The following PRPF39 variants were observed in gnomAD, a reference collection of about 807,000 sequenced individuals.
PRPF39 encodes the protein pre-mRNA processing factor 39, also known as pre-mRNA-processing factor 39.
PRPF39 carries 27 observed loss-of-function variants against 82.1 expected under a neutral mutation model. The observed-to-expected ratio is 0.33, with a 90% CI of 0.24 to 0.45. The LOEUF (loss-of-function observed/expected upper bound fraction) is 0.45. Among genes scored for constraint, PRPF39 ranks in the 20% least tolerant of loss-of-function variants. The pLI is 1.00. For missense variants in PRPF39, 581 were observed against 796.9 expected (o/e 0.73, Z 3.26); for synonymous variants, 261 against 256.4 (o/e 1.02, Z -0.17).
intron 7 of PRPF39, 94 bp from the exon 8 acceptor site, chr14:45,109,518 CATCA>C: frequency 1.0e-6 from 1 of 954,120 alleles, no homozygotes; most frequent in Non-Finnish European, 1.4e-6. Context: ...AAATTTTAAT[CATCA>C]ATTATATTTA....
At chr14:45,097,031 GTTT>G in intron 4 of PRPF39, 26 bp downstream of exon 4, 1 of 1,500,464 alleles carries the variant, frequency 6.7e-7, no homozygotes, top group South Asian at 1.3e-5. Context: ...ATACTGAAAT[GTTT>G]TTTATGATAT....
intron 1 of PRPF39, among the ~76,000 whole-genome samples, chr14:45,093,862 T>A (rs1277163683): frequency 6.6e-6 from 1 of 152,184 alleles, no homozygotes; most frequent in African/African-American, 2.4e-5. Flanking sequence ...GCCAAAGCAG[T>A]CTTTTTCTTA....
At chr14:45,089,386 G>A (rs1303245590) in intron 1 of PRPF39, among the ~76,000 whole-genome samples, 1 of 152,204 alleles carries the variant, frequency 6.6e-6, no homozygotes, top group African/African-American at 2.4e-5. Flanking sequence ...GCACTTTGTT[G>A]AGGGCCATTT....
Position 45,114,997 on chromosome 14 carries a change from C to A in PRPF39, c.*84C>A. The A allele has an allele frequency of 9.2e-7, 1 of 1,088,266 alleles. No homozygotes were observed. The highest frequency in any genetic ancestry group is 1.4e-6 in the Non-Finnish European group (1 of 740,414). The allele number at this position is 1,088,266 out of a possible 1,614,324, so 67.4% of individuals were successfully genotyped here. ...TAATGAGGGATGTAAACAGTATAAG[C>A]TTGTTGTATTTGATAACCTGTCTTC... On this transcript the variant is annotated 3_prime_UTR_variant, in exon 14 of 14. Transcript: ENST00000355765.
intron 6 of PRPF39, among the ~76,000 whole-genome samples, chr14:45,107,934 G>GA (rs112505747): frequency 6.6e-6 from 1 of 151,650 alleles, no homozygotes; most frequent in Admixed American, 6.6e-5. Context: ...ATCTCGGGGG[G>GA]AAAAAAAGGT....
In PRPF39 at chr14:45,114,706, A is replaced by T. The variant is rs139365465; in HGVS notation, c.1953+92A>T. On this transcript the variant is annotated intron_variant, in intron 13 of 13. Coordinates refer to ENST00000355765, the MANE Select transcript of PRPF39 (RefSeq NM_017922.4). ...TTTTTTAAAAAAAGTTTTTGTTCCA[A>T]TTGTGTAATACATTCTTTGGTGGTT... The T allele has an allele frequency of 7.3e-3, 10,621 of 1,456,976 alleles. 57 individuals are homozygous for T. The highest frequency in any genetic ancestry group is 8.1e-3 in the Non-Finnish European group (8,715 of 1,073,302). The allele number at this position is 1,456,976 out of a possible 1,614,324, so 90.3% of individuals were successfully genotyped here.
intron 1 of PRPF39, among the ~76,000 whole-genome samples, chr14:45,089,067 T>C (rs1341528086): frequency 1.3e-5 from 2 of 152,210 alleles, no homozygotes; most frequent in African/African-American, 2.4e-5. Flanking sequence ...ACTCCACTGA[T>C]TGTGTCCTTT....
chr14:45,116,016 G>C lies in PRPF39; in HGVS notation c.*1103G>C, dbSNP rs756425765. 1 of 549,800 alleles carries C rather than the reference G, an allele frequency of 1.8e-6. No individual in the cohort carries two copies. Among genetic ancestry groups the C allele is most frequent in the Non-Finnish European group, 3.3e-6 (1 of 302,920 alleles). 34.1% of individuals were successfully genotyped at this position (549,800 alleles called of 1,614,324 possible). A position where few individuals can be genotyped will look rare whatever the true frequency, so the allele number is the denominator to read the frequency against. On this transcript the variant is annotated 3_prime_UTR_variant, in exon 14 of 14. Transcript: ENST00000355765. ...GCTGTAGGAAAGTATTTTAGACCAG[G>C]GATTCATAAGGGATTTATCTCTCAA...
chr14:45,113,722 C>T (rs538317157), intron 11 of PRPF39, among the ~76,000 whole-genome samples: 1 of 152,154 alleles, frequency 6.6e-6, no homozygotes, highest in Non-Finnish European at 1.5e-5. Flanking sequence ...TTAGTTATTA[C>T]TGGATTCTGA....
intron 1 of PRPF39, among the ~76,000 whole-genome samples, chr14:45,093,296 C>T (rs1195140784): frequency 1.3e-5 from 2 of 150,602 alleles, no homozygotes; most frequent in African/African-American, 2.5e-5. Flanking sequence ...GATCTTGGCT[C>T]ACTGCAACCT....
In PRPF39 at chr14:45,114,321, T is replaced by C. The variant is rs547183096; in HGVS notation, c.1832+64T>C. The C allele has an allele frequency of 6.4e-6, 9 of 1,407,522 alleles. No individual in the cohort carries two copies. The Admixed American group carries it at 1.1e-4, about 17-fold the overall frequency. 87.2% of individuals were successfully genotyped at this position (1,407,522 alleles called of 1,614,324 possible). A position where few individuals can be genotyped will look rare whatever the true frequency, so the allele number is the denominator to read the frequency against. On this transcript the variant is annotated intron_variant, in intron 12 of 13. Transcript: ENST00000355765. ...TTATGGAAATGCCTTCAAAGACAAA[T>C]GTTTTTAAGTGTTACTTTTATGTTG...
intron 13 of PRPF39, 115 bp from the exon 14 acceptor site, chr14:45,114,742 A>G: frequency 7.2e-7 from 1 of 1,391,876 alleles, no homozygotes; most frequent in Non-Finnish European, 9.9e-7. Flanking sequence ...AAGTACTAGA[A>G]TTTTAGCAGT....
chr14:45,110,657 T>C lies in PRPF39; in HGVS notation c.1412T>C (p.Leu471Pro), dbSNP rs774672911. 3.2e-6 allele frequency: 5 copies of C among 1,576,456 alleles called. No homozygotes were observed. ...AGTTTAGAACGACGGCATGGAAATCTGGAAGAAGCTGAACATTTGCTTCAG... is the reference window on the plus strand; with the variant it reads ...AGTTTAGAACGACGGCATGGAAATCCGGAAGAAGCTGAACATTTGCTTCAG... Reference protein sequence around the residue: ...RVSLERRHGNLEEAEHLLQDA... With the variant: ...RVSLERRHGNPEEAEHLLQDA... Residue 471 changes from leucine (L) to proline (P), a missense_variant, in exon 10 of 14, where the codon CTG (leucine) becomes CCG (proline). By Grantham distance (98) the Leu-to-Pro change is moderately conservative (BLOSUM62 -3). Transcript: ENST00000355765. The surrounding 1 kb of genome is among the most constrained non-coding windows in gnomAD (Gnocchi z 4.0).
At position 45,108,400 on chromosome 14, in the gene PRPF39, C is replaced by T. The variant is rs752760529; in HGVS notation, c.904-15C>T. Reference sequence around the variant, plus strand: ...CAGTTTGTGAGATTTATTTTTTTCCCTTTTTCTTCCCAAGCTAATTACAGA... The same window carrying T: ...CAGTTTGTGAGATTTATTTTTTTCCTTTTTTCTTCCCAAGCTAATTACAGA... On this transcript the variant is annotated splice_polypyrimidine_tract_variant and intron_variant, in intron 6 of 13. Transcript: ENST00000355765. 1.9e-6 allele frequency: 3 copies of T among 1,555,378 alleles called. No individual in the cohort carries two copies. The highest frequency in any genetic ancestry group is 2.2e-5 in the Admixed American group (1 of 45,170).
rs1377631002 is a variant in PRPF39 at position 45,090,637 on chromosome 14, A to G, written c.-19-4584A>G. Among the ~76,000 whole-genome samples, 4 of 152,016 alleles carry G rather than the reference A, an allele frequency of 2.6e-5. No individual in the cohort carries two copies. In the East Asian group the frequency reaches 7.7e-4, roughly 29 times the overall value. ...AAAGTTAATTATATTTCATGTTTTC[A>G]TCTATAGATTGCTATTGTTTTCAAA... On this transcript the variant is annotated intron_variant, in intron 1 of 13. Coordinates refer to ENST00000355765, the MANE Select transcript of PRPF39 (RefSeq NM_017922.4).
chr14:45,102,548 C>G lies in PRPF39; in HGVS notation c.589C>G (p.Leu197Val), dbSNP rs145199849. ...TTTCAGAACTTTTGAGCATGCTGTT[C>G]TAGCTGCAGGAACAGATTTCCGTTC... ...TIRGTFEHAV[L>V]AAGTDFRSDR... Residue 197 changes from leucine (L) to valine (V), a missense_variant, in exon 5 of 14, where the codon CTA becomes GTA. Leu to Val is a conservative substitution (Grantham distance 32). Transcript: ENST00000355765. The G allele has an allele frequency of 8.1e-6, 13 of 1,608,258 alleles. No individual in the cohort carries two copies. The highest frequency in any genetic ancestry group is 1.1e-5 in the Non-Finnish European group (13 of 1,178,018).
At chr14:45,089,076 T>G (rs1472855699) in intron 1 of PRPF39, among the ~76,000 whole-genome samples, 1 of 152,254 alleles carries the variant, frequency 6.6e-6, no homozygotes, top group Admixed American at 6.5e-5. Context: ...ATTGTGTCCT[T>G]TTATGCACAA....
At chr14:45,097,565 G>T (rs889065612) in intron 4 of PRPF39, among the ~76,000 whole-genome samples, 1 of 152,054 alleles carries the variant, frequency 6.6e-6, no homozygotes, top group Non-Finnish European at 1.5e-5. Flanking sequence ...AAATGGTATC[G>T]ATTCTAAACT....
chr14:45,095,700 A>G (rs775118184), intron 2 of PRPF39, 137 bp downstream of exon 2: 270 of 1,161,750 alleles, frequency 2.3e-4, no homozygotes, highest in Non-Finnish European at 3.0e-4. Flanking sequence ...TTAGGTAGCT[A>G]CATTTTTAGC....
Sources: gnomAD v4.1 joint callset for allele counts (sites outside exome capture counted in the v4.1 genomes callset) on GRCh38, gnomAD v4.1.1 for gene constraint, Gnocchi (gnomAD v3.1) non-coding constraint, MANE v1.5 for transcripts, NCBI Gene and HGNC (gene_info 2026-07-23, HGNC 2026-07-21) for gene names.